The following STAB2 variants were observed in gnomAD, a reference collection of about 807,000 sequenced individuals.
STAB2 encodes the protein stabilin-2.
Under a neutral mutation model 338.1 loss-of-function variants are expected in STAB2, and 288 were observed. The observed-to-expected ratio is 0.85, with a 90% confidence interval of 0.77 to 0.94. STAB2 has a LOEUF of 0.94. STAB2 is among the 40% of genes least tolerant of loss of function. STAB2 has a pLI of 0.00. For synonymous variants in STAB2, 1,202 were observed against 1,193.3 expected, an observed-to-expected ratio of 1.01 and a Z score of -0.15; for missense variants, 3,141 against 3,210.1, an observed-to-expected ratio of 0.98 and a Z score of 0.52.
At chr12:103,687,443 G>A (rs1046183890) in intron 27 of STAB2, among the ~76,000 whole-genome samples, 1 of 151,882 alleles carries the variant, frequency 6.6e-6, no homozygotes, top group African/African-American at 2.4e-5. Flanking sequence ...GAGGAGCCAG[G>A]GCCATCTTTT....
chr12:103,731,109 T>C (rs1881603478), intron 49 of STAB2, among the ~76,000 whole-genome samples: 1 of 152,090 alleles, frequency 6.6e-6, no homozygotes, highest in Admixed American at 6.5e-5. Context: ...GGTGAACACC[T>C]AACCTGATAA....
chr12:103,743,083 C>T (rs912881862), intron 56 of STAB2, among the ~76,000 whole-genome samples: 14 of 143,258 alleles, frequency 9.8e-5, no homozygotes, highest in Middle Eastern at 7.7e-3. Flanking sequence ...AGTGCAATGG[C>T]GCAATCTCAG....
chr12:103,727,169 TGCTTCACCCAG>T, intron 46 of STAB2, 87 bp from the exon 47 acceptor site: 1 of 1,260,702 alleles, frequency 7.9e-7, no homozygotes, highest in Non-Finnish European at 1.2e-6. Flanking sequence ...ATCCAGTCTT[TGCTTCACCCAG>T]GTGCCATCAT....
chr12:103,750,234 T>G (rs1462793561), intron 59 of STAB2, among the ~76,000 whole-genome samples: 1 of 152,218 alleles, frequency 6.6e-6, no homozygotes, highest in East Asian at 1.9e-4. Flanking sequence ...GGCAATGCAC[T>G]GTACAGAAAC....
chr12:103,680,729 G>C (rs951465475), intron 25 of STAB2, among the ~76,000 whole-genome samples: 4 of 152,240 alleles, frequency 2.6e-5, no homozygotes, highest in Non-Finnish European at 5.9e-5. Flanking sequence ...CCTCACCCTG[G>C]GGTGGAGGAA....
At chr12:103,759,962 A>T (rs1013428585) in intron 65 of STAB2, among the ~76,000 whole-genome samples, 2 of 152,254 alleles carry the variant, frequency 1.3e-5, no homozygotes, top group East Asian at 3.8e-4. Flanking sequence ...AATTGATCAA[A>T]TAAAGAGCTT....
At chr12:103,632,130 T>A (rs564598443) in intron 6 of STAB2, among the ~76,000 whole-genome samples, 2 of 152,336 alleles carry the variant, frequency 1.3e-5, no homozygotes, top group Admixed American at 6.5e-5. Context: ...CGCTGAGTGA[T>A]TCACCAAAGG....
At chr12:103,726,780 T>C (rs1456025497) in intron 46 of STAB2, among the ~76,000 whole-genome samples, 1 of 152,156 alleles carries the variant, frequency 6.6e-6, no homozygotes, top group Non-Finnish European at 1.5e-5. Flanking sequence ...CATAAAAATG[T>C]AAGAAATAAG....
chr12:103,746,755 G>A (rs781622653), intron 58 of STAB2, 51 bp downstream of exon 58: 4 of 1,576,856 alleles, frequency 2.5e-6, no homozygotes, highest in African/African-American at 2.7e-5. Flanking sequence ...TGGGAGAGGA[G>A]CAGGACTTGC....
chr12:103,728,883 A>G lies in STAB2; in HGVS notation c.4970A>G (p.Gln1657Arg). The part of the protein sequence containing the change: ...KDWDKYGLMP[Q>R]VLRYHVVACH... ...TGGGACAAATACGGTTTAATGCCCC[A>G]GGTTCTTCGGTACCATGTGGTCGCC... The change falls in exon 48 of 69, where the codon CAG (glutamine) becomes CGG (arginine). Residue 1657 changes from glutamine (Q) to arginine (R), a missense_variant. Coordinates refer to ENST00000388887, the MANE Select transcript of STAB2 (RefSeq NM_017564.10). 6.2e-7 allele frequency: 1 copy of G among 1,613,992 alleles called. No homozygotes were observed. Among genetic ancestry groups the G allele is most frequent in the Non-Finnish European group, 8.5e-7 (1 of 1,179,874 alleles).
At chr12:103,588,945 GT>G (rs923364959) in intron 1 of STAB2, among the ~76,000 whole-genome samples, 65 of 152,240 alleles carry the variant, frequency 4.3e-4, no homozygotes, top group African/African-American at 1.5e-3. Flanking sequence ...AGAAATTTCA[GT>G]TTTCTATACT....
intron 11 of STAB2, among the ~76,000 whole-genome samples, chr12:103,651,609 G>C (rs1320689270): frequency 6.6e-6 from 1 of 152,118 alleles, no homozygotes; most frequent in Non-Finnish European, 1.5e-5. Flanking sequence ...ACTGCACCTG[G>C]CCCAGATCTT....
At chr12:103,678,456 A>G (rs745860624) in intron 25 of STAB2, among the ~76,000 whole-genome samples, 2 of 152,210 alleles carry the variant, frequency 1.3e-5, no homozygotes, top group Non-Finnish European at 2.9e-5. Context: ...GTGGAACTTG[A>G]TGAGATATTA....
At chr12:103,701,149 C>T (rs1339102153) in intron 34 of STAB2, among the ~76,000 whole-genome samples, 1 of 151,396 alleles carries the variant, frequency 6.6e-6, no homozygotes, top group African/African-American at 2.4e-5. Flanking sequence ...TGATGATTTC[C>T]AATTTCATCC....
At chr12:103,741,922 C>G (rs1016451051) in intron 55 of STAB2, among the ~76,000 whole-genome samples, 1 of 152,154 alleles carries the variant, frequency 6.6e-6, no homozygotes, top group Non-Finnish European at 1.5e-5. Context: ...CATGACCACC[C>G]AGCTCCACCC....
chr12:103,714,079 A>C (rs1032307741), intron 42 of STAB2, among the ~76,000 whole-genome samples: 1 of 152,258 alleles, frequency 6.6e-6, no homozygotes, highest in African/African-American at 2.4e-5. Flanking sequence ...AAAAGAAAGC[A>C]CATGTACTGG....
chr12:103,590,862 A>G (rs767602816), intron 1 of STAB2, 35 bp from the exon 2 acceptor site: 15 of 1,613,540 alleles, frequency 9.3e-6, no homozygotes, highest in Non-Finnish European at 1.3e-5. Flanking sequence ...CTCTGATAAC[A>G]GGAATTAATG....
At chr12:103,593,193 T>C (rs1956826135) in intron 2 of STAB2, among the ~76,000 whole-genome samples, 1 of 152,192 alleles carries the variant, frequency 6.6e-6, no homozygotes, top group Non-Finnish European at 1.5e-5. Context: ...AGAAGTAGGA[T>C]TAATGGATCA....
rs138758541 is a variant in STAB2, at chr12:103,762,430, A to G, written c.7488+28A>G. On this transcript the variant is annotated intron_variant, in intron 67 of 68. Coordinates refer to ENST00000388887, the MANE Select transcript of STAB2 (RefSeq NM_017564.10). ...AAGAGAGAAAAATGGGAACATGATG[A>G]TGGGGTCCTCTCCAAAAACCCAGTC... The G allele has an allele frequency of 5.8e-3, 9,375 of 1,614,122 alleles. 103 individuals carry two copies. Among genetic ancestry groups the G allele is most frequent in the Admixed American group, 0.038 (2,293 of 60,024 alleles).
Sources: gnomAD v4.1 joint callset for allele counts (sites outside exome capture counted in the v4.1 genomes callset) on GRCh38, gnomAD v4.1.1 for gene constraint, MANE v1.5 for transcripts, NCBI Gene and HGNC (gene_info 2026-07-23, HGNC 2026-07-21) for gene names.